The following CNTN5 variants were observed in gnomAD, a reference collection of about 807,000 sequenced individuals.
The protein encoded by CNTN5 is contactin 5.
A neutral mutation model predicts 129.1 loss-of-function variants in CNTN5; 77 were observed. The ratio of observed to expected loss-of-function variants is 0.60; its 90% CI spans 0.50 to 0.72. The LOEUF (loss-of-function observed/expected upper bound fraction) is 0.72. Ranked by LOEUF, CNTN5 falls within the 30% of genes least tolerant of loss-of-function variation. The probability of loss-of-function intolerance (pLI) is 0.00; values close to 1 mark genes in which losing one functional copy is unlikely to be tolerated. For missense variants in CNTN5, 1,478 were observed against 1,328.8 expected (o/e 1.11, Z -1.75); for synonymous variants, 509 against 465.6 (o/e 1.09, Z -1.20).
At chr11:99,935,440 A>C (rs557979766) in intron 7 of CNTN5, among the ~76,000 whole-genome samples, 2 of 152,188 alleles carry the variant, frequency 1.3e-5, no homozygotes, top group Admixed American at 1.3e-4. Flanking sequence ...CCCAATTTTT[A>C]ATGGCTGTAT....
chr11:100,297,801 TA>T, intron 19 of CNTN5, 106 bp downstream of exon 19: 1 of 829,614 alleles, frequency 1.2e-6, no homozygotes, highest in African/African-American at 1.7e-5. Context: ...ATTTAGAGGC[TA>T]AAAACAGTGG....
At position 100,164,217 on chromosome 11, in the gene CNTN5, CA is replaced by C. The variant is rs147472476; in HGVS notation, c.1581-26902del. On this transcript the variant is annotated intron_variant, in intron 13 of 24. Coordinates refer to ENST00000524871, the MANE Select transcript of CNTN5 (RefSeq NM_014361.4). ...CATTGACGATATGGACAATCAAAGGCAAAAAAATCTACTTCTGATAACAGGA... is the reference window on the plus strand; with the variant it reads ...CATTGACGATATGGACAATCAAAGGCAAAAAATCTACTTCTGATAACAGGA... Among the ~76,000 whole-genome samples, 1,490 of 151,612 alleles carry C rather than the reference CA, an allele frequency of 9.8e-3. 21 individuals carry two copies. Among genetic ancestry groups the C allele is most frequent in the African/African-American group, 0.031 (1,283 of 41,406 alleles).
intron 3 of CNTN5, among the ~76,000 whole-genome samples, chr11:99,593,195 C>A (rs1420382931): frequency 2.0e-5 from 3 of 152,054 alleles, no homozygotes; most frequent in African/African-American, 7.2e-5. Context: ...AATCCAAATG[C>A]ATATTTTAGC....
At chr11:99,963,931 G>A (rs932258957) in intron 8 of CNTN5, among the ~76,000 whole-genome samples, 2 of 152,082 alleles carry the variant, frequency 1.3e-5, no homozygotes, top group African/African-American at 4.8e-5. Context: ...TTGTGAATGG[G>A]AGTTCACTCA....
At chr11:100,204,297 AATATATATATATATATAT>A (rs10633078) in intron 15 of CNTN5, among the ~76,000 whole-genome samples, 234 of 17,658 alleles carry the variant, frequency 0.013, 13 homozygotes, top group African/African-American at 0.018. Flanking sequence ...AACATTGACT[AATATATATATATATATAT>A]ATATATATAT....
chr11:99,389,173 G>A (rs185108371), intron 2 of CNTN5, among the ~76,000 whole-genome samples: 2,033 of 152,030 alleles, frequency 0.013, 48 homozygotes, highest in African/African-American at 0.046. Flanking sequence ...GGGATTACAG[G>A]CATGTGCCAC....
chr11:100,102,575 A>G (rs1416227134), intron 13 of CNTN5, among the ~76,000 whole-genome samples: 1 of 126,036 alleles, frequency 7.9e-6, no homozygotes, highest in African/African-American at 3.4e-5. Flanking sequence ...AAGAATAAAA[A>G]AGGTAAACTG....
At position 99,736,211 on chromosome 11, in the gene CNTN5, A is replaced by AGGTT. The variant is rs1311580704; in HGVS notation, c.56-83331_56-83328dup. Among the ~76,000 whole-genome samples the AGGTT allele has an allele frequency of 9.8e-5, 15 of 152,312 alleles. No homozygotes were observed. The South Asian group carries it at 2.9e-3, about 29-fold the overall frequency. On this transcript the variant is annotated intron_variant, in intron 3 of 24. Transcript: ENST00000524871. ...TCAACAAAGTTGCAGGGCTAGACAG[A>AGGTT]GGTTGCACCTATGAACAGTGTAACA...
intron 3 of CNTN5, among the ~76,000 whole-genome samples, chr11:99,652,380 C>T (rs562515306): frequency 2.0e-4 from 30 of 152,148 alleles, no homozygotes; most frequent in South Asian, 6.2e-4. Context: ...TCTATACTAT[C>T]TATACCATCA....
intron 9 of CNTN5, among the ~76,000 whole-genome samples, chr11:100,009,705 A>G (rs1438534909): frequency 6.6e-6 from 1 of 152,152 alleles, no homozygotes; most frequent in African/African-American, 2.4e-5. Context: ...GAACTGCTGT[A>G]AGAATATAAT....
Position 100,185,859 on chromosome 11 carries a change from C to A in CNTN5, c.1581-5267C>A, listed in dbSNP as rs565591988. Among the ~76,000 whole-genome samples the A allele has an allele frequency of 4.6e-5, 7 of 152,278 alleles. No individual in the cohort carries two copies. In the South Asian group the frequency reaches 1.5e-3, roughly 32 times the overall value. On this transcript the variant is annotated intron_variant, in intron 13 of 24. Transcript: ENST00000524871. ...GAAGACAGACAGCCCTTACCCAAAC[C>A]CAACCATTCTTGCACCTGATTTTGG...
intron 6 of CNTN5, among the ~76,000 whole-genome samples, chr11:99,847,894 C>A (rs1430673057): frequency 6.6e-6 from 1 of 152,080 alleles, no homozygotes; most frequent in Non-Finnish European, 1.5e-5. Flanking sequence ...AGTGAAAGAA[C>A]ACAAAGGCAA....
intron 8 of CNTN5, among the ~76,000 whole-genome samples, chr11:99,990,186 C>T (rs115594953): frequency 2.0e-5 from 3 of 151,962 alleles, no homozygotes; most frequent in Admixed American, 2.0e-4. Flanking sequence ...GGAAGGAGCC[C>T]TCAAATGATG....
At position 99,561,164 on chromosome 11, in the gene CNTN5, G is replaced by A. The variant is rs1272097139; in HGVS notation, c.55+4895G>A. ...TATCCTGTAGTGCCAGAAAGTAAGC[G>A]AGTGCTAAAACAAACAAACCAAAAC... is the stretch of plus-strand genomic sequence containing the variant. On this transcript the variant is annotated intron_variant, in intron 3 of 24. Coordinates refer to ENST00000524871, the MANE Select transcript of CNTN5 (RefSeq NM_014361.4). 4.6e-5 allele frequency among the ~76,000 whole-genome samples: 7 copies of A among 152,132 alleles called. No homozygotes were observed. In the East Asian group the frequency reaches 7.7e-4, roughly 17 times the overall value.
chr11:99,744,762 A>G (rs1319453583), intron 3 of CNTN5, among the ~76,000 whole-genome samples: 2 of 151,060 alleles, frequency 1.3e-5, no homozygotes, highest in African/African-American at 4.9e-5. Context: ...TATAACAGCT[A>G]TAATTGTGAT....
At chr11:99,696,314 A>G (rs1954267758) in intron 3 of CNTN5, among the ~76,000 whole-genome samples, 1 of 152,156 alleles carries the variant, frequency 6.6e-6, no homozygotes, top group African/African-American at 2.4e-5. Flanking sequence ...TGAACATTTA[A>G]ATTAAGTTTT....
rs766335817 is a variant in CNTN5, at chr11:99,956,768, T to C, written c.674-38T>C. On this transcript the variant is annotated intron_variant, in intron 7 of 24. Transcript: ENST00000524871. ...TGAGCTTTGTCTGTTAATGAAAAAA[T>C]CAAAGTCTTTCGTTGACCAAATTTT... 3 of 1,513,708 alleles carry C rather than the reference T, an allele frequency of 2.0e-6. No individual in the cohort carries two copies. In the Admixed American group the frequency reaches 5.1e-5, roughly 26 times the overall value. 93.8% of individuals were successfully genotyped at this position (1,513,708 alleles called of 1,614,324 possible).
At chr11:99,419,271 T>C (rs1190236384) in intron 2 of CNTN5, among the ~76,000 whole-genome samples, 1 of 152,178 alleles carries the variant, frequency 6.6e-6, no homozygotes, top group East Asian at 1.9e-4. Context: ...GAGATGTAAA[T>C]AGACCAGTCA....
chr11:99,646,952 A>G (rs1309964581), intron 3 of CNTN5, among the ~76,000 whole-genome samples: 2 of 152,042 alleles, frequency 1.3e-5, no homozygotes, highest in East Asian at 1.9e-4. Context: ...TGTCAGATGA[A>G]TAGTTTGCCC....
Sources: allele counts gnomAD v4.1 joint callset (sites outside exome capture counted in the v4.1 genomes callset), GRCh38; gene constraint gnomAD v4.1.1; transcripts MANE v1.5; gene names NCBI Gene and HGNC (gene_info 2026-07-23, HGNC 2026-07-21).